ARL14EPL: variants seen among roughly 807,000 people sequenced by gnomAD.
ARL14EPL encodes the protein ARF like GTPase 14 effector protein like.
In ARL14EPL, 17 loss-of-function variants were observed where a neutral mutation model predicts 15.9. The observed-to-expected ratio is 1.07, with a 90% CI of 0.73 to 1.60. ARL14EPL has a LOEUF of 1.60. Ranked by LOEUF, ARL14EPL falls within the 40% of genes most tolerant of loss-of-function variation. The pLI is 0.00. For missense variants in ARL14EPL, 214 were observed against 185.9 expected, an observed-to-expected ratio of 1.15 and a Z score of -0.88; for synonymous variants, 78 against 63.8, an observed-to-expected ratio of 1.22 and a Z score of -1.06.
chr5:116,045,422 A>G (rs920749502), intron 1 of ARL14EPL, among the ~76,000 whole-genome samples: 1 of 152,104 alleles, frequency 6.6e-6, no homozygotes, highest in Admixed American at 6.5e-5. Flanking sequence ...CCATTGGTGG[A>G]GGGGGGTAAA....
chr5:116,049,381 T>G (rs1749328829), intron 1 of ARL14EPL, among the ~76,000 whole-genome samples: 1 of 152,202 alleles, frequency 6.6e-6, no homozygotes, highest in African/African-American at 2.4e-5. Flanking sequence ...GTTGAAAAAC[T>G]CTTCATAGGA....
At chr5:116,054,619 C>T (rs1384117352) in intron 3 of ARL14EPL, among the ~76,000 whole-genome samples, 1 of 152,158 alleles carries the variant, frequency 6.6e-6, no homozygotes, top group East Asian at 1.9e-4. Context: ...ATCACTAGGT[C>T]AGGAGATCTA....
In ARL14EPL at chr5:116,051,556, C is replaced by G; in HGVS notation, c.91C>G (p.Gln31Glu). ...PEKNCQIGQK[Q>E]LQQIERQLKC... ...GAAGAACTGTCAAATTGGACAGAAA[C>G]AACTGGTATGGCACACAGATTCTAT... is the stretch of plus-strand genomic sequence containing the variant. The change falls in exon 2 of 4, where the codon CAA becomes GAA. Residue 31 changes from glutamine (Q) to glutamate (E), a missense_variant. By Grantham distance (29) the Gln-to-Glu change is conservative. Coordinates refer to ENST00000686077, the MANE Select transcript of ARL14EPL (RefSeq NM_001195581.2). 1 of 1,528,880 alleles carries G rather than the reference C, an allele frequency of 6.5e-7. No individual in the cohort carries two copies. 94.7% of individuals were successfully genotyped at this position (1,528,880 alleles called of 1,614,324 possible). A position where few individuals can be genotyped will look rare whatever the true frequency, so the allele number is the denominator to read the frequency against.
At chr5:116,048,971 T>C (rs988235979) in intron 1 of ARL14EPL, among the ~76,000 whole-genome samples, 3 of 152,208 alleles carry the variant, frequency 2.0e-5, no homozygotes, top group Non-Finnish European at 4.4e-5. Context: ...GGTTATGTAC[T>C]GATAAACCCA....
Position 116,054,024 on chromosome 5 carries a change from A to G in ARL14EPL, c.107A>G (p.Glu36Gly), listed in dbSNP as rs1749456057. The change falls in exon 3 of 4, where the codon GAG (glutamate) becomes GGG (glycine). Residue 36 changes from glutamate to glycine, a missense_variant. Glu to Gly is a moderately conservative substitution (Grantham distance 98). Coordinates refer to ENST00000686077, the MANE Select transcript of ARL14EPL (RefSeq NM_001195581.2). Reference protein sequence around the residue: ...QIGQKQLQQIERQLKCLAFRN... With the variant: ...QIGQKQLQQIGRQLKCLAFRN... ...TTATTTGTTTAATAGCAACAAATAG[A>G]GCGGCAGTTAAAATGCTTGGCATTT... The G allele has an allele frequency of 6.5e-7, 1 of 1,534,730 alleles. No homozygotes were observed. The highest frequency in any genetic ancestry group is 2.4e-5 in the East Asian group (1 of 40,896).
intron 1 of ARL14EPL, among the ~76,000 whole-genome samples, chr5:116,042,196 T>G (rs1201362134): frequency 2.6e-5 from 4 of 152,316 alleles, no homozygotes; most frequent in Admixed American, 2.6e-4. Flanking sequence ...GCTCTGCCCC[T>G]CTCAGCTGCA....
At chr5:116,044,705 T>C (rs1749231493) in intron 1 of ARL14EPL, among the ~76,000 whole-genome samples, 1 of 152,106 alleles carries the variant, frequency 6.6e-6, no homozygotes, top group Non-Finnish European at 1.5e-5. Flanking sequence ...CGATTTCATA[T>C]GATTTTAGAA....
In ARL14EPL at chr5:116,050,780, ATCTCTCTC is replaced by A. The variant is rs141191776; in HGVS notation, c.-9-649_-9-642del. 5.8e-3 allele frequency among the ~76,000 whole-genome samples: 750 copies of A among 128,862 alleles called. 5 individuals are homozygous for A. The highest frequency in any genetic ancestry group is 0.034 in the South Asian group (124 of 3,680). The allele number at this position is 128,862 out of a possible 152,430, so 84.5% of individuals were successfully genotyped here. The stretch of plus-strand genomic sequence containing the variant: ...ATGATTACCATATTGTATGGGCTCC[ATCTCTCTC>A]TCTCTCTCTCTCTCTCTCTCTCTCT... On this transcript the variant is annotated intron_variant, in intron 1 of 3. Transcript: ENST00000686077.
In ARL14EPL at chr5:116,053,997, A is replaced by T; in HGVS notation, c.97-17A>T. 6.6e-7 allele frequency: 1 copy of T among 1,522,728 alleles called. No homozygotes were observed. The highest frequency in any genetic ancestry group is 1.2e-5 in the South Asian group (1 of 81,366). 94.3% of individuals were successfully genotyped at this position (1,522,728 alleles called of 1,614,324 possible). ...ACTATCTGGTTCTTACTATTAATACATTTATTTGTTTAATAGCAACAAATA... is the reference window on the plus strand; with the variant it reads ...ACTATCTGGTTCTTACTATTAATACTTTTATTTGTTTAATAGCAACAAATA... On this transcript the variant is annotated splice_polypyrimidine_tract_variant and intron_variant, in intron 2 of 3. Coordinates refer to ENST00000686077, the MANE Select transcript of ARL14EPL (RefSeq NM_001195581.2).
chr5:116,038,796 A>G (rs1345170109), intron 1 of ARL14EPL, among the ~76,000 whole-genome samples: 4 of 152,192 alleles, frequency 2.6e-5, no homozygotes, highest in African/African-American at 9.7e-5. Flanking sequence ...AACTACTTCT[A>G]AAAAACAAAA....
chr5:116,049,721 A>G (rs945600707), intron 1 of ARL14EPL, among the ~76,000 whole-genome samples: 6 of 152,208 alleles, frequency 3.9e-5, no homozygotes, highest in African/African-American at 1.4e-4. Flanking sequence ...GGACCATAAA[A>G]GAGAGATAAG....
In ARL14EPL at chr5:116,058,912, G is replaced by A. The variant is rs1258966682; in HGVS notation, c.424G>A (p.Val142Ile). The A allele has an allele frequency of 3.3e-6, 5 of 1,536,064 alleles. No individual in the cohort carries two copies. In the East Asian group the frequency reaches 1.2e-4, roughly 38 times the overall value. ...YDAIVTESGE[V>I]ISTLPFNVPD ...TGCCATCGTCACTGAGTCAGGAGAG[G>A]TCATCAGCACGCTGCCGTTTAATGT... Residue 142 changes from valine (V) to isoleucine (I), a missense_variant, in exon 4 of 4, where the codon GTC becomes ATC. Val to Ile is a conservative substitution (Grantham distance 29). Coordinates refer to ENST00000686077, the MANE Select transcript of ARL14EPL (RefSeq NM_001195581.2).
intron 3 of ARL14EPL, among the ~76,000 whole-genome samples, chr5:116,057,426 A>AAAT (rs1222496607): frequency 6.6e-6 from 1 of 151,904 alleles, no homozygotes; most frequent in Admixed American, 6.6e-5. Context: ...TTTACCAAAA[A>AAAT]AAAAAGCATC....
rs926152517 is a variant in ARL14EPL, at chr5:116,042,831, A to G, written c.-9-8626A>G. 2.6e-5 allele frequency among the ~76,000 whole-genome samples: 4 copies of G among 152,360 alleles called. No homozygotes were observed. The South Asian group carries it at 8.3e-4, about 32-fold the overall frequency. On this transcript the variant is annotated intron_variant, in intron 1 of 3. Coordinates refer to ENST00000686077, the MANE Select transcript of ARL14EPL (RefSeq NM_001195581.2). ...ACTTGGCTGCAGTAAGAATTTTCTT[A>G]TAATCCTTCTTCCTTACATGAAGGA...
chr5:116,046,315 G>A (rs1367227970), intron 1 of ARL14EPL, among the ~76,000 whole-genome samples: 2 of 152,166 alleles, frequency 1.3e-5, no homozygotes, highest in Non-Finnish European at 2.9e-5. Context: ...TTCTTGCTTT[G>A]ATAATTTGCT....
intron 1 of ARL14EPL, among the ~76,000 whole-genome samples, chr5:116,038,494 A>G (rs1749089875): frequency 6.6e-6 from 1 of 152,192 alleles, no homozygotes; most frequent in African/African-American, 2.4e-5. Flanking sequence ...GGTGACAACG[A>G]GGCTGGGAAG....
intron 1 of ARL14EPL, 134 bp from the exon 2 acceptor site, chr5:116,051,323 G>T (rs973506672): frequency 8.0e-6 from 5 of 625,300 alleles, no homozygotes; most frequent in African/African-American, 1.9e-5. Flanking sequence ...TGGGAGAAAA[G>T]GTTCTGGGAG....
At chr5:116,039,644 C>T (rs529042165) in intron 1 of ARL14EPL, among the ~76,000 whole-genome samples, 1 of 151,554 alleles carries the variant, frequency 6.6e-6, no homozygotes, top group East Asian at 1.9e-4. Flanking sequence ...AACAACAGAA[C>T]ATGAAAATAT....
chr5:116,058,819 C>T lies in ARL14EPL; in HGVS notation c.331C>T (p.Pro111Ser). The T allele has an allele frequency of 6.5e-7, 1 of 1,536,048 alleles. No homozygotes were observed. Among genetic ancestry groups the T allele is most frequent in the Non-Finnish European group, 8.7e-7 (1 of 1,146,896 alleles). ...LEKNCLGCFY[P>S]CPKCNSNKCG... ...GAAGAACTGCCTGGGCTGCTTCTAC[C>T]CATGCCCGAAGTGTAACTCCAACAA... Residue 111 changes from proline to serine, a missense_variant, in exon 4 of 4, where the codon CCA (proline) becomes TCA (serine). Physicochemically the swap from Pro to Ser is moderately conservative, Grantham distance 74. Transcript: ENST00000686077.
Sources: allele counts gnomAD v4.1 joint callset (sites outside exome capture counted in the v4.1 genomes callset), GRCh38; gene constraint gnomAD v4.1.1; transcripts MANE v1.5; gene names NCBI Gene and HGNC (gene_info 2026-07-23, HGNC 2026-07-21).